PTPRD: variants seen among roughly 807,000 people sequenced by gnomAD.
PTPRD encodes protein tyrosine phosphatase receptor type D.
PTPRD carries 34 observed loss-of-function variants against 214.5 expected under a neutral mutation model. The ratio of observed to expected loss-of-function variants is 0.16; its 90% CI spans 0.12 to 0.21. PTPRD has a LOEUF of 0.21. Ranked by LOEUF, PTPRD falls within the 10% of genes least tolerant of loss-of-function variation. The pLI, the probability that PTPRD is intolerant of heterozygous loss-of-function variation, is 1.00. For synonymous variants in PTPRD, 1,128 were observed against 845.7 expected, an observed-to-expected ratio of 1.33 and a Z score of -5.79; for missense variants, 2,545 against 2,398.7, an observed-to-expected ratio of 1.06 and a Z score of -1.27.
chr9:9,779,078 C>CCAAA (rs1282567404), intron 5 of PTPRD, among the ~76,000 whole-genome samples: 4 of 45,458 alleles, frequency 8.8e-5, no homozygotes, highest in Admixed American at 3.1e-4. Context: ...ATAAGACTGA[C>CCAAA]AAAAAAAAAA....
At chr9:10,313,682 C>G (rs2096336139) in intron 3 of PTPRD, among the ~76,000 whole-genome samples, 1 of 151,914 alleles carries the variant, frequency 6.6e-6, no homozygotes, top group African/African-American at 2.4e-5. Context: ...ACTGCCAGTT[C>G]CCAGGACCAG....
intron 11 of PTPRD, among the ~76,000 whole-genome samples, chr9:8,802,460 A>C (rs73429003): frequency 0.019 from 2,955 of 152,294 alleles, 84 homozygotes; most frequent in African/African-American, 0.066. Context: ...CCTGCCCTAA[A>C]GGCAAAGAAA....
chr9:10,259,660 T>C (rs2093562481), intron 3 of PTPRD, among the ~76,000 whole-genome samples: 2 of 152,214 alleles, frequency 1.3e-5, no homozygotes, highest in South Asian at 2.1e-4. Context: ...GTCATCATTT[T>C]GGCCTAGTTA....
chr9:8,498,796 T>C (rs1317029613), intron 25 of PTPRD, among the ~76,000 whole-genome samples: 1 of 152,202 alleles, frequency 6.6e-6, no homozygotes, highest in Non-Finnish European at 1.5e-5. Flanking sequence ...ATTTTCAGCA[T>C]GGTGGTTACA....
At chr9:8,443,015 C>T (rs1278627662) in intron 34 of PTPRD, among the ~76,000 whole-genome samples, 2 of 152,190 alleles carry the variant, frequency 1.3e-5, no homozygotes, top group Non-Finnish European at 2.9e-5. Flanking sequence ...CATTGTGGCA[C>T]ATGCCTGTGG....
At chr9:8,333,247 G>A (rs562056504) in intron 43 of PTPRD, among the ~76,000 whole-genome samples, 2 of 152,132 alleles carry the variant, frequency 1.3e-5, no homozygotes, top group Non-Finnish European at 2.9e-5. Context: ...AGCACAGGAA[G>A]GAGACCCAGA....
At chr9:10,474,568 T>C (rs966844978) in intron 2 of PTPRD, among the ~76,000 whole-genome samples, 12 of 151,644 alleles carry the variant, frequency 7.9e-5, no homozygotes. Context: ...ACTGTCAATA[T>C]TAGATCAAAG....
chr9:9,543,691 G>A (rs1461632126), intron 8 of PTPRD, among the ~76,000 whole-genome samples: 1 of 151,414 alleles, frequency 6.6e-6, no homozygotes, highest in Non-Finnish European at 1.5e-5. Context: ...GATTGTTACT[G>A]AAAACAAACA....
At chr9:9,275,209 A>G (rs1287751965) in intron 9 of PTPRD, among the ~76,000 whole-genome samples, 1 of 82,174 alleles carries the variant, frequency 1.2e-5, no homozygotes, top group African/African-American at 5.3e-5. Flanking sequence ...TTATATATAT[A>G]TATATATAAC....
chr9:9,940,255 G>A (rs775764682), intron 4 of PTPRD, among the ~76,000 whole-genome samples: 1 of 152,084 alleles, frequency 6.6e-6, no homozygotes, highest in Non-Finnish European at 1.5e-5. Context: ...TGGCAGCACA[G>A]ATGGAAGTCT....
intron 2 of PTPRD, among the ~76,000 whole-genome samples, chr9:10,395,840 T>G (rs951026423): frequency 4.6e-5 from 7 of 151,778 alleles, no homozygotes; most frequent in African/African-American, 1.7e-4. Flanking sequence ...AACGTGCAAT[T>G]TCCAGGAGAA....
chr9:9,694,666 C>A (rs1366623964), intron 7 of PTPRD, among the ~76,000 whole-genome samples: 1 of 152,136 alleles, frequency 6.6e-6, no homozygotes, highest in Non-Finnish European at 1.5e-5. Context: ...TGTGGCTAAA[C>A]TGGCACTCAA....
chr9:9,888,025 G>A (rs2071638736), intron 5 of PTPRD, among the ~76,000 whole-genome samples: 1 of 152,144 alleles, frequency 6.6e-6, no homozygotes, highest in Non-Finnish European at 1.5e-5. Flanking sequence ...ATGACCTGGG[G>A]AAACTGGCCC....
intron 9 of PTPRD, among the ~76,000 whole-genome samples, chr9:9,269,564 C>T (rs1250010324): frequency 4.6e-5 from 7 of 151,244 alleles, no homozygotes; most frequent in Admixed American, 1.3e-4. Context: ...CCATGTTGAT[C>T]ACAGCATTTT....
chr9:9,471,236 C>A (rs971284747), intron 8 of PTPRD, among the ~76,000 whole-genome samples: 2 of 152,204 alleles, frequency 1.3e-5, no homozygotes, highest in African/African-American at 2.4e-5. Flanking sequence ...TCTATAAATA[C>A]CAACATATAC....
intron 5 of PTPRD, among the ~76,000 whole-genome samples, chr9:9,935,161 G>C (rs968176999): frequency 6.6e-6 from 1 of 151,972 alleles, no homozygotes; most frequent in Non-Finnish European, 1.5e-5. Flanking sequence ...TTGAAAACTG[G>C]CACAAGACAG....
chr9:10,010,008 T>G (rs952925366), intron 4 of PTPRD, among the ~76,000 whole-genome samples: 11 of 151,906 alleles, frequency 7.2e-5, no homozygotes, highest in African/African-American at 2.7e-4. Context: ...CAGGATTACT[T>G]TGAAATCCCC....
intron 12 of PTPRD, among the ~76,000 whole-genome samples, chr9:8,730,941 A>AC (rs77005141): frequency 0.51 from 78,239 of 151,960 alleles, 20,364 homozygotes; most frequent in Non-Finnish European, 0.54. Flanking sequence ...GCCATTCAAG[A>AC]CACCGGAATG....
At chr9:9,347,297 ACTCT>A (rs138754685) in intron 9 of PTPRD, among the ~76,000 whole-genome samples, 15,698 of 149,890 alleles carry the variant, frequency 0.1, 1,087 homozygotes, top group Non-Finnish European at 0.15. Flanking sequence ...ACTTCAGAGG[ACTCT>A]CTCTATGTGT....
Sources: allele counts gnomAD v4.1 joint callset (sites outside exome capture counted in the v4.1 genomes callset), GRCh38; gene constraint gnomAD v4.1.1; transcripts MANE v1.5; gene names NCBI Gene and HGNC (gene_info 2026-07-23, HGNC 2026-07-21).